The following MGAT4C variants were observed in gnomAD, a reference collection of about 807,000 sequenced individuals.
MGAT4C encodes MGAT4 family member C, also known as alpha-1,3-mannosyl-glycoprotein 4-beta-N-acetylglucosaminyltransferase C.
In MGAT4C, 19 loss-of-function variants were observed where a neutral mutation model predicts 40.1. The ratio of observed to expected loss-of-function variants is 0.47; its 90% confidence interval spans 0.33 to 0.70. The LOEUF (loss-of-function observed/expected upper bound fraction) is 0.70, where lower values mean the gene tolerates loss of function less well. Among genes scored for constraint, MGAT4C ranks in the 30% least tolerant of loss-of-function variants. The probability of loss-of-function intolerance (pLI) is 0.02; values close to 1 mark genes in which losing one functional copy is unlikely to be tolerated. For missense variants in MGAT4C, 491 were observed against 563.2 expected (o/e 0.87, Z 1.30); for synonymous variants, 181 against 187.1 (o/e 0.97, Z 0.27).
intron 1 of MGAT4C, among the ~76,000 whole-genome samples, chr12:86,066,249 C>T (rs550439811): frequency 8.2e-4 from 124 of 152,144 alleles, no homozygotes; most frequent in Middle Eastern, 3.4e-3. Context: ...CCCACATAGC[C>T]AAGACAATCG....
At chr12:86,316,690 T>C (rs1236890550) in intron 4 of MGAT4C, among the ~76,000 whole-genome samples, 1 of 151,928 alleles carries the variant, frequency 6.6e-6, no homozygotes, top group Non-Finnish European at 1.5e-5. Flanking sequence ...ATGGCAACAA[T>C]AGACACTGGG....
intron 2 of MGAT4C, among the ~76,000 whole-genome samples, chr12:86,041,139 T>A (rs1383655626): frequency 1.1e-5 from 1 of 90,318 alleles, no homozygotes; most frequent in East Asian, 2.2e-4. Flanking sequence ...ATCTTGCCCA[T>A]TTTTTTTTTT....
At chr12:86,063,561 T>A (rs2137010900) in intron 1 of MGAT4C, among the ~76,000 whole-genome samples, 1 of 152,304 alleles carries the variant, frequency 6.6e-6, no homozygotes, top group Middle Eastern at 3.4e-3. Context: ...AATACCCCAA[T>A]TAAAAGACAC....
intron 2 of MGAT4C, among the ~76,000 whole-genome samples, chr12:86,491,355 T>C (rs1240834926): frequency 6.6e-6 from 1 of 152,110 alleles, no homozygotes; most frequent in Non-Finnish European, 1.5e-5. Context: ...AAAAGAATTT[T>C]AGACCAATAT....
intron 3 of MGAT4C, among the ~76,000 whole-genome samples, chr12:86,378,167 G>T (rs1402751381): frequency 1.3e-5 from 2 of 152,072 alleles, no homozygotes; most frequent in African/African-American, 4.8e-5. Context: ...TATGAAAATG[G>T]GTGTACAAAT....
intron 2 of MGAT4C, among the ~76,000 whole-genome samples, chr12:86,584,048 A>G (rs10858445): frequency 0.052 from 7,920 of 150,918 alleles, 344 homozygotes; most frequent in East Asian, 0.19. Flanking sequence ...GATAAGGAAT[A>G]ACAAGGACGA....
At chr12:86,557,182 T>C (rs1959651576) in intron 2 of MGAT4C, among the ~76,000 whole-genome samples, 1 of 152,224 alleles carries the variant, frequency 6.6e-6, no homozygotes, top group Non-Finnish European at 1.5e-5. Context: ...GTTAAAAATT[T>C]GGAAGTTAGA....
At chr12:86,166,681 A>G (rs1349490114) in intron 1 of MGAT4C, among the ~76,000 whole-genome samples, 7 of 152,194 alleles carry the variant, frequency 4.6e-5, no homozygotes, top group Non-Finnish European at 5.9e-5. Context: ...AAAAAAGTCT[A>G]TTAAATAACT....
At chr12:86,662,784 A>G (rs1431134435) in intron 2 of MGAT4C, among the ~76,000 whole-genome samples, 1 of 152,182 alleles carries the variant, frequency 6.6e-6, no homozygotes, top group African/African-American at 2.4e-5. Context: ...TTACTCTTTA[A>G]TCATAAACTA....
intron 2 of MGAT4C, among the ~76,000 whole-genome samples, chr12:86,472,415 TCA>T (rs1421715134): frequency 6.6e-6 from 1 of 152,202 alleles, no homozygotes; most frequent in Non-Finnish European, 1.5e-5. Context: ...TGCCTTACCT[TCA>T]CAGTTATTTC....
chr12:86,226,995 A>G (rs374588991), intron 1 of MGAT4C, among the ~76,000 whole-genome samples: 1 of 151,870 alleles, frequency 6.6e-6, no homozygotes, highest in African/African-American at 2.4e-5. Flanking sequence ...TCCACTCTTT[A>G]AACTCCTTTC....
In MGAT4C at chr12:86,747,644, A is replaced by G. The variant is rs979853349; in HGVS notation, c.-261-20403T>C. Among the ~76,000 whole-genome samples, 8 of 151,758 alleles carry G rather than the reference A, an allele frequency of 5.3e-5. No individual in the cohort carries two copies. The South Asian group carries it at 8.3e-4, about 16-fold the overall frequency. ...GCAAATTTCACTATAGTTTTCTCTT[A>G]GTTAATATAATTGATAACAGTTATA... On this transcript the variant is annotated intron_variant, in intron 1 of 7. Coordinates refer to the MGAT4C transcript ENST00000548651.
At position 86,320,848 on chromosome 12, in the gene MGAT4C, G is replaced by T. The variant is rs77176123; in HGVS notation, c.-57+13217C>A. ...TCTTTCTGAAAATGAAAAACTAAAT[G>T]ACATCATAAAGTAGCAACTTACATT... On this transcript the variant is annotated intron_variant, in intron 4 of 7. Coordinates refer to the MGAT4C transcript ENST00000548651. 6.4e-4 allele frequency among the ~76,000 whole-genome samples: 98 copies of T among 152,142 alleles called. No individual in the cohort carries two copies. The East Asian group carries it at 0.019, about 29-fold the overall frequency.
At chr12:86,811,773 G>A (rs758104795) in intron 1 of MGAT4C, among the ~76,000 whole-genome samples, 3 of 151,314 alleles carry the variant, frequency 2.0e-5, no homozygotes, top group Non-Finnish European at 3.0e-5. Flanking sequence ...AAGAACCAGT[G>A]TTCATCAATG....
chr12:85,956,561 T>C lies in MGAT4C; in HGVS notation c.*22728A>G, dbSNP rs1882804776. On this transcript the variant is annotated 3_prime_UTR_variant, in exon 5 of 5. Transcript: ENST00000611864. The stretch of plus-strand genomic sequence containing the variant: ...TACAGATCATTTTTTGGATTACATT[T>C]AGTCTTTAGAAAATATTTGATTCAA... The C allele has an allele frequency of 6.6e-6, 1 of 152,210 alleles. No homozygotes were observed. The highest frequency in any genetic ancestry group is 1.5e-5 in the Non-Finnish European group (1 of 68,024). 9.4% of individuals were successfully genotyped at this position (152,210 alleles called of 1,614,324 possible). A position where few individuals can be genotyped will look rare whatever the true frequency, so the allele number is the denominator to read the frequency against.
chr12:86,001,936 G>A (rs1296976672), intron 2 of MGAT4C: 1 of 152,014 alleles, frequency 6.6e-6, no homozygotes, highest in Non-Finnish European at 1.5e-5. Context: ...TGAGACTTCA[G>A]GATCTCTTTG....
chr12:86,491,023 G>C (rs1958122019), intron 2 of MGAT4C, among the ~76,000 whole-genome samples: 4 of 152,026 alleles, frequency 2.6e-5, no homozygotes, highest in African/African-American at 9.7e-5. Flanking sequence ...AAGTTAACAA[G>C]GATACCCAGG....
chr12:86,366,247 C>T (rs1254001665), intron 3 of MGAT4C, among the ~76,000 whole-genome samples: 1 of 152,166 alleles, frequency 6.6e-6, no homozygotes, highest in African/African-American at 2.4e-5. Flanking sequence ...ATTTTGCATC[C>T]TGAAACTTTA....
chr12:85,985,404 A>G (rs763307198), intron 3 of MGAT4C, among the ~76,000 whole-genome samples: 7 of 152,192 alleles, frequency 4.6e-5, no homozygotes, highest in Non-Finnish European at 8.8e-5. Flanking sequence ...GAGGCTTCCA[A>G]TATGGTCCTT....
Sources: gnomAD v4.1 joint callset for allele counts (sites outside exome capture counted in the v4.1 genomes callset) on GRCh38, gnomAD v4.1.1 for gene constraint, MANE v1.5 for transcripts, NCBI Gene and HGNC (gene_info 2026-07-23, HGNC 2026-07-21) for gene names.